The following FNIP1 variants were observed in gnomAD, a reference collection of about 807,000 sequenced individuals.
FNIP1 encodes folliculin-interacting protein 1.
FNIP1 carries 40 observed loss-of-function variants against 124.5 expected under a neutral mutation model. That is an observed-to-expected ratio of 0.32 (90% CI 0.25 to 0.42). The LOEUF is 0.42. Ranked by LOEUF, FNIP1 falls within the 10% of genes least tolerant of loss-of-function variation. The pLI, the probability that FNIP1 is intolerant of heterozygous loss-of-function variation, is 1.00. For synonymous variants in FNIP1, 472 were observed against 470.6 expected (o/e 1.00, Z -0.04); for missense variants, 1,176 against 1,403.7 (o/e 0.84, Z 2.59).
chr5:131,785,113 CATATATATG>C (rs1265709350), intron 1 of FNIP1, among the ~76,000 whole-genome samples: 124 of 10,142 alleles, frequency 0.012, 1 homozygote, highest in Admixed American at 0.032. Context: ...ATATATATAT[CATATATATG>C]ATATATATGA....
chr5:131,675,494 AT>A (rs1411869741), intron 13 of FNIP1, among the ~76,000 whole-genome samples: 5 of 152,226 alleles, frequency 3.3e-5, no homozygotes, highest in Non-Finnish European at 7.3e-5. Context: ...ACTACTAATA[AT>A]TTGATTTTAA....
chr5:131,699,027 T>C (rs775225628), intron 10 of FNIP1, 25 bp from the exon 11 acceptor site: 3 of 1,581,930 alleles, frequency 1.9e-6, no homozygotes. Context: ...TTGAGATAGT[T>C]AATTCTTATG....
At chr5:131,661,274 T>TC (rs1767429462) in intron 15 of FNIP1, among the ~76,000 whole-genome samples, 1 of 148,492 alleles carries the variant, frequency 6.7e-6, no homozygotes. Context: ...AGAGGGGATC[T>TC]CTAAAGGAAT....
rs1306877127 is a variant in FNIP1 at position 131,643,299 on chromosome 5, A to C, written c.*1386T>G. ...AACAGCAAGAATGGATGTGTTATAT[A>C]GTAAATATATTTAATAACTGAATAA... On this transcript the variant is annotated 3_prime_UTR_variant, in exon 18 of 18. Transcript: ENST00000510461. 1 of 152,652 alleles carries C rather than the reference A, an allele frequency of 6.6e-6. No individual in the cohort carries two copies. Among genetic ancestry groups the C allele is most frequent in the African/African-American group, 2.4e-5 (1 of 41,464 alleles). 9.5% of individuals were successfully genotyped at this position (152,652 alleles called of 1,614,324 possible).
intron 8 of FNIP1, 110 bp downstream of exon 8, chr5:131,709,091 G>A: frequency 2.4e-6 from 2 of 825,164 alleles, no homozygotes; most frequent in Non-Finnish European, 4.0e-6. Context: ...CAGTTCTCTT[G>A]TAAGGCTAAT....
intron 3 of FNIP1, among the ~76,000 whole-genome samples, chr5:131,729,168 C>T (rs1769991840): frequency 6.6e-6 from 1 of 152,144 alleles, no homozygotes. Context: ...GGGTCAGGGA[C>T]CCACTTGAGG....
intron 11 of FNIP1, among the ~76,000 whole-genome samples, chr5:131,683,221 TG>T (rs1768148054): frequency 6.6e-6 from 1 of 152,136 alleles, no homozygotes; most frequent in South Asian, 2.1e-4. Context: ...CCAAAATCTG[TG>T]GATGCTCAAA....
intron 7 of FNIP1, among the ~76,000 whole-genome samples, chr5:131,709,906 T>C (rs1409066082): frequency 6.6e-6 from 1 of 152,142 alleles, no homozygotes; most frequent in Non-Finnish European, 1.5e-5. Flanking sequence ...CTGAGAACAA[T>C]GAAGAGTAAA....
intron 6 of FNIP1, among the ~76,000 whole-genome samples, chr5:131,715,816 CTT>C (rs1378127657): frequency 6.6e-6 from 1 of 151,730 alleles, no homozygotes; most frequent in Non-Finnish European, 1.5e-5. Context: ...GAAGAAAAAA[CTT>C]TTCTACTAAT....
At chr5:131,705,241 C>T (rs1238832017) in intron 9 of FNIP1, among the ~76,000 whole-genome samples, 1 of 151,140 alleles carries the variant, frequency 6.6e-6, no homozygotes, top group Non-Finnish European at 1.5e-5. Flanking sequence ...GAGGCTGAGG[C>T]AAGTGGATCA....
chr5:131,685,605 C>T (rs1362810581), intron 11 of FNIP1, among the ~76,000 whole-genome samples: 4 of 151,898 alleles, frequency 2.6e-5, no homozygotes, highest in South Asian at 4.2e-4. Flanking sequence ...TACAGGCAGC[C>T]GCCACTATCC....
intron 2 of FNIP1, among the ~76,000 whole-genome samples, chr5:131,733,835 T>C (rs1020804708): frequency 5.9e-5 from 9 of 152,358 alleles, no homozygotes; most frequent in African/African-American, 2.2e-4. Flanking sequence ...AGGATGATGC[T>C]GGCCTCATAA....
At chr5:131,699,094 A>G in intron 10 of FNIP1, 92 bp from the exon 11 acceptor site, 1 of 816,928 alleles carries the variant, frequency 1.2e-6, no homozygotes, top group Non-Finnish European at 1.8e-6. Flanking sequence ...ACATATTTAC[A>G]CAACGCTCTA....
intron 1 of FNIP1, among the ~76,000 whole-genome samples, chr5:131,782,489 C>G (rs760546822): frequency 6.6e-6 from 1 of 152,004 alleles, no homozygotes; most frequent in Non-Finnish European, 1.5e-5. Context: ...GGCTTGAGCC[C>G]GCGAGGCAGA....
chr5:131,657,490 C>A (rs375010538), intron 15 of FNIP1, among the ~76,000 whole-genome samples: 8 of 151,958 alleles, frequency 5.3e-5, no homozygotes, highest in East Asian at 1.9e-4. Context: ...GCCATAAGGA[C>A]CATTAAACAC....
At chr5:131,669,847 A>G (rs1462023376) in intron 15 of FNIP1, among the ~76,000 whole-genome samples, 1 of 152,066 alleles carries the variant, frequency 6.6e-6, no homozygotes, top group Non-Finnish European at 1.5e-5. Context: ...GATCAGGAAT[A>G]AGGCAACGAT....
chr5:131,693,331 T>C lies in FNIP1; in HGVS notation c.1202+5586A>G, dbSNP rs867136725. 4.7e-4 allele frequency among the ~76,000 whole-genome samples: 29 copies of C among 61,110 alleles called. No homozygotes were observed. The East Asian group carries it at 7.4e-3, about 16-fold the overall frequency. The allele number at this position is 61,110 out of a possible 152,430, so 40.1% of individuals were successfully genotyped here. Reference sequence around the variant, plus strand: ...ATATATATATACACATATATATATATACATATATATATATATATATATATA... The same window carrying C: ...ATATATATATACACATATATATATACACATATATATATATATATATATATA... On this transcript the variant is annotated intron_variant, in intron 11 of 17. Coordinates refer to ENST00000510461, the MANE Select transcript of FNIP1 (RefSeq NM_133372.3).
intron 16 of FNIP1, among the ~76,000 whole-genome samples, chr5:131,649,555 A>G (rs1363314703): frequency 6.6e-6 from 1 of 152,126 alleles, no homozygotes; most frequent in Non-Finnish European, 1.5e-5. Context: ...CTGAGTATCA[A>G]TCCCTTTTGA....
intron 2 of FNIP1, among the ~76,000 whole-genome samples, chr5:131,736,942 A>G (rs1395970231): frequency 6.6e-6 from 1 of 152,210 alleles, no homozygotes; most frequent in African/African-American, 2.4e-5. Context: ...AGTTCTTTGT[A>G]TTGAACTTGC....
Sources: allele counts gnomAD v4.1 joint callset (sites outside exome capture counted in the v4.1 genomes callset), GRCh38; gene constraint gnomAD v4.1.1; transcripts MANE v1.5; gene names NCBI Gene and HGNC (gene_info 2026-07-23, HGNC 2026-07-21).